ENTREP2: variants seen among roughly 807,000 people sequenced by gnomAD.
ENTREP2 encodes protein ENTREP2.
At chr15:29,422,638 C>T in the ENTREP2 span, among the ~76,000 whole-genome samples, 1 of 152,208 alleles carries the variant, frequency 6.6e-6, no homozygotes, top group African/African-American at 2.4e-5. Context: ...TGCAAGGTAA[C>T]CCTACCCCCA....
At chr15:29,215,946 A>T in the ENTREP2 span, among the ~76,000 whole-genome samples, 1 of 152,160 alleles carries the variant, frequency 6.6e-6, no homozygotes, top group Non-Finnish European at 1.5e-5. Flanking sequence ...GGCTATTTAC[A>T]TTCAATGTTA....
At chr15:29,394,457 G>A in the ENTREP2 span, among the ~76,000 whole-genome samples, 1 of 152,248 alleles carries the variant, frequency 6.6e-6, no homozygotes, top group East Asian at 1.9e-4. Context: ...AGCCACAATA[G>A]TTATAAGTGG....
chr15:29,497,361 C>T, the ENTREP2 span, among the ~76,000 whole-genome samples: 2,055 of 152,238 alleles, frequency 0.013, 36 homozygotes, highest in African/African-American at 0.047. Flanking sequence ...TCTTTAAATG[C>T]TTGGTAGAAT....
At chr15:29,355,807 A>G in the ENTREP2 span, among the ~76,000 whole-genome samples, 1 of 152,180 alleles carries the variant, frequency 6.6e-6, no homozygotes, top group Non-Finnish European at 1.5e-5. Context: ...TTCAGAACGT[A>G]AGAGAGCTGA....
At chr15:29,477,563 G>C in the ENTREP2 span, among the ~76,000 whole-genome samples, 3 of 152,174 alleles carry the variant, frequency 2.0e-5, no homozygotes, top group Non-Finnish European at 2.9e-5. Flanking sequence ...CTTAGGACCA[G>C]AGAAACACCA....
the ENTREP2 span, among the ~76,000 whole-genome samples, chr15:29,568,645 C>T: frequency 6.7e-6 from 1 of 149,006 alleles, no homozygotes; most frequent in South Asian, 2.1e-4. Context: ...TCCAGGCTGC[C>T]GTGAGCTATG....
the ENTREP2 span, among the ~76,000 whole-genome samples, chr15:29,327,261 TA>T: frequency 1.3e-5 from 2 of 151,970 alleles, no homozygotes; most frequent in Non-Finnish European, 2.9e-5. Context: ...TAAAGAAAAG[TA>T]AAACTCAACA....
the ENTREP2 span, among the ~76,000 whole-genome samples, chr15:29,124,949 C>T: frequency 6.6e-6 from 1 of 152,226 alleles, no homozygotes; most frequent in African/African-American, 2.4e-5. Context: ...TGCCGTGGGT[C>T]AAGTGGTGTC....
the ENTREP2 span, among the ~76,000 whole-genome samples, chr15:29,175,179 C>G: frequency 6.6e-6 from 1 of 152,236 alleles, no homozygotes; most frequent in South Asian, 2.1e-4. Flanking sequence ...GGGATTCTGG[C>G]TCCACCTTTA....
chr15:29,282,689 T>A, the ENTREP2 span, among the ~76,000 whole-genome samples: 1 of 152,188 alleles, frequency 6.6e-6, no homozygotes, highest in African/African-American at 2.4e-5. Flanking sequence ...GAGACCCCAC[T>A]ATGTGCTACA....
the ENTREP2 span, among the ~76,000 whole-genome samples, chr15:29,674,133 G>T: frequency 2.7e-5 from 4 of 148,772 alleles, no homozygotes; most frequent in South Asian, 2.2e-4. Context: ...GAGGATGGGG[G>T]GGGGGGGGGG....
chr15:29,391,493 T>C, the ENTREP2 span, among the ~76,000 whole-genome samples: 1 of 152,134 alleles, frequency 6.6e-6, no homozygotes, highest in Non-Finnish European at 1.5e-5. Flanking sequence ...TCCTTAGTGT[T>C]GAAGTGTTTT....
chr15:29,621,285 AG>A, the ENTREP2 span, among the ~76,000 whole-genome samples: 3 of 151,954 alleles, frequency 2.0e-5, no homozygotes, highest in East Asian at 5.8e-4. Context: ...GCACTATGGG[AG>A]GCCGAGACAG....
the ENTREP2 span, among the ~76,000 whole-genome samples, chr15:29,476,086 C>CA: frequency 6.6e-6 from 1 of 152,204 alleles, no homozygotes; most frequent in South Asian, 2.1e-4. Context: ...AGCAATAATA[C>CA]ACACATATAC....
At chr15:29,153,520 T>C in the ENTREP2 span, among the ~76,000 whole-genome samples, 2 of 152,218 alleles carry the variant, frequency 1.3e-5, no homozygotes, top group Admixed American at 1.3e-4. Context: ...ATGTGGAATC[T>C]ACCCTCATGA....
At chr15:29,450,367 A>C in the ENTREP2 span, among the ~76,000 whole-genome samples, 1 of 152,082 alleles carries the variant, frequency 6.6e-6, no homozygotes, top group African/African-American at 2.4e-5. Flanking sequence ...TTGGGTTTTT[A>C]CATTTTAGTC....
At chr15:29,192,250 C>T in the ENTREP2 span, among the ~76,000 whole-genome samples, 1 of 152,170 alleles carries the variant, frequency 6.6e-6, no homozygotes, top group Admixed American at 6.5e-5. Flanking sequence ...ATTTGGCTGA[C>T]TTTCAGATTT....
the ENTREP2 span, among the ~76,000 whole-genome samples, chr15:29,298,441 A>T: frequency 1.3e-5 from 2 of 152,190 alleles, no homozygotes; most frequent in Admixed American, 6.5e-5. Flanking sequence ...CAATTCATTG[A>T]TAATTAATAA....
the ENTREP2 span, among the ~76,000 whole-genome samples, chr15:29,402,265 T>TATATATATATATATATACATACACAC: frequency 1.5e-5 from 2 of 137,792 alleles, no homozygotes; most frequent in African/African-American, 5.3e-5. Flanking sequence ...TATATATATA[T>TATATATATATATATATACATACACAC]ACACACACAT....
Sources: gnomAD v4.1 joint callset for allele counts (sites outside exome capture counted in the v4.1 genomes callset) on GRCh38, gnomAD v4.1.1 for gene constraint, MANE v1.5 for transcripts, NCBI Gene and HGNC (gene_info 2026-07-23, HGNC 2026-07-21) for gene names.